The following MALRD1 variants were observed in gnomAD, a reference collection of about 807,000 sequenced individuals.
The protein encoded by MALRD1 is MAM and LDL-receptor class A domain-containing protein 1.
A neutral mutation model predicts 242.1 loss-of-function variants in MALRD1; 247 were observed. That is an observed-to-expected ratio of 1.02 (90% CI 0.92 to 1.13). The LOEUF (loss-of-function observed/expected upper bound fraction) is 1.13. Among genes scored for constraint, MALRD1 ranks in the 50% most tolerant of loss-of-function variants. The pLI is 0.00. For synonymous variants in MALRD1, 995 were observed against 866.6 expected (o/e 1.15, Z -2.60); for missense variants, 2,989 against 2,533.1 (o/e 1.18, Z -3.86).
intron 11 of MALRD1, among the ~76,000 whole-genome samples, chr10:19,154,336 CTGAATACGGTATTTTCCAA>C (rs1461345437): frequency 2.6e-5 from 4 of 152,154 alleles, no homozygotes; most frequent in Non-Finnish European, 5.9e-5. Context: ...AAATCACTCT[CTGAATACGGTATTTTCCAA>C]TGAAAATAGT....
chr10:19,660,531 C>G (rs915377610), intron 36 of MALRD1, among the ~76,000 whole-genome samples: 1 of 152,102 alleles, frequency 6.6e-6, no homozygotes, highest in Non-Finnish European at 1.5e-5. Context: ...AGTCATCAGG[C>G]ACCATGTTAA....
chr10:19,580,284 C>G (rs1837046934), intron 33 of MALRD1, among the ~76,000 whole-genome samples: 1 of 152,122 alleles, frequency 6.6e-6, no homozygotes, highest in Admixed American at 6.6e-5. Flanking sequence ...TGGAGGAATT[C>G]TTTATAATCC....
intron 30 of MALRD1, among the ~76,000 whole-genome samples, chr10:19,495,735 T>G (rs1168690161): frequency 6.6e-6 from 1 of 152,072 alleles, no homozygotes; most frequent in Non-Finnish European, 1.5e-5. Flanking sequence ...ATGTTAACCT[T>G]GAATGTAAAT....
Position 19,450,457 on chromosome 10 carries a change from A to C in MALRD1, c.4996A>C (p.Ile1666Leu), listed in dbSNP as rs574076239. 1 of 1,549,696 alleles carries C rather than the reference A, an allele frequency of 6.5e-7. No homozygotes were observed. The highest frequency in any genetic ancestry group is 8.7e-7 in the Non-Finnish European group (1 of 1,146,704). Residue 1666 changes from isoleucine to leucine, a missense_variant, in exon 29 of 40, where the codon ATT becomes CTT. Coordinates refer to ENST00000454679, the MANE Select transcript of MALRD1 (RefSeq NM_001142308.3). ...AAGGGACCTGGGAGGAGGAGCTGCA[A>C]TTGATGATATTGAATTTAAAAACTG... ...RTRDLGGGAA[I>L]DDIEFKNCTT...
At chr10:19,111,148 C>CAT (rs138443443) in intron 5 of MALRD1, among the ~76,000 whole-genome samples, 82,353 of 151,696 alleles carry the variant, frequency 0.54, 22,495 homozygotes, top group Middle Eastern at 0.6. Flanking sequence ...GATGGGCCAT[C>CAT]ATATATATTC....
intron 36 of MALRD1, among the ~76,000 whole-genome samples, chr10:19,675,012 A>G (rs1250305427): frequency 6.6e-6 from 1 of 152,116 alleles, no homozygotes; most frequent in Non-Finnish European, 1.5e-5. Context: ...ACATCATGCC[A>G]TCAACCTGTT....
chr10:19,615,213 T>C (rs1839089490), intron 35 of MALRD1, among the ~76,000 whole-genome samples: 2 of 151,882 alleles, frequency 1.3e-5, no homozygotes, highest in Admixed American at 1.3e-4. Flanking sequence ...TGAAAAATTA[T>C]TATATGTCAA....
chr10:19,716,018 T>C (rs1000738837), intron 38 of MALRD1, among the ~76,000 whole-genome samples: 3 of 151,676 alleles, frequency 2.0e-5, no homozygotes, highest in African/African-American at 7.3e-5. Flanking sequence ...ACATTGGAGG[T>C]CACATTTCAA....
At chr10:19,055,278 T>C (rs1386126614) in intron 1 of MALRD1, among the ~76,000 whole-genome samples, 2 of 152,216 alleles carry the variant, frequency 1.3e-5, no homozygotes, top group East Asian at 3.9e-4. Context: ...TTGCTTGAGC[T>C]CCTTATATAT....
intron 36 of MALRD1, among the ~76,000 whole-genome samples, chr10:19,676,004 A>G (rs1329779774): frequency 6.6e-6 from 1 of 152,172 alleles, no homozygotes; most frequent in Non-Finnish European, 1.5e-5. Context: ...AGTTAGCAAG[A>G]TTGATAAGAA....
intron 26 of MALRD1, among the ~76,000 whole-genome samples, chr10:19,373,201 T>TAAAAAAAAAAAAAAA (rs1845457821): frequency 3.2e-5 from 1 of 31,432 alleles, no homozygotes. Context: ...AAACGCTAAA[T>TAAAAAAAAAAAAAAA]ACAAAAAAAA....
chr10:19,071,224 G>A, intron 2 of MALRD1, among the ~76,000 whole-genome samples: 1 of 151,822 alleles, frequency 6.6e-6, no homozygotes, highest in East Asian at 1.9e-4. Flanking sequence ...TTAGCTGCTA[G>A]AAGGGCTCCC....
chr10:19,370,143 T>C (rs1164652028), intron 26 of MALRD1, among the ~76,000 whole-genome samples: 1 of 152,100 alleles, frequency 6.6e-6, no homozygotes, highest in African/African-American at 2.4e-5. Context: ...CCTGGAAGAT[T>C]TGGTTGAAAA....
intron 5 of MALRD1, among the ~76,000 whole-genome samples, chr10:19,108,471 G>A (rs1341077133): frequency 4.5e-5 from 1 of 22,468 alleles, no homozygotes; most frequent in Non-Finnish European, 6.5e-5. Context: ...GCGGACTGCA[G>A]TGGCGCAATC....
chr10:19,198,379 G>A (rs1265431335), intron 14 of MALRD1, among the ~76,000 whole-genome samples: 1 of 152,182 alleles, frequency 6.6e-6, no homozygotes, highest in Admixed American at 6.5e-5. Context: ...TACACATGAA[G>A]CAGGCTTGTA....
At chr10:19,581,270 C>G (rs1049671109) in intron 33 of MALRD1, among the ~76,000 whole-genome samples, 9 of 151,240 alleles carry the variant, frequency 6.0e-5, no homozygotes, top group Non-Finnish European at 1.2e-4. Context: ...GCACAATGTG[C>G]AGGTTAGTTA....
chr10:19,567,753 A>C, intron 33 of MALRD1, 50 bp downstream of exon 33: 3 of 1,419,148 alleles, frequency 2.1e-6, no homozygotes, highest in Non-Finnish European at 2.9e-6. Context: ...TTTAGTATCT[A>C]AATATACTAA....
intron 7 of MALRD1, 49 bp downstream of exon 7, chr10:19,124,719 T>C (rs1837192040): frequency 8.2e-7 from 1 of 1,224,850 alleles, no homozygotes; most frequent in African/African-American, 1.6e-5. Context: ...GAATTCTGCT[T>C]TATGGTGACT....
chr10:19,416,100 A>G (rs79395797), intron 28 of MALRD1, among the ~76,000 whole-genome samples: 3,682 of 152,286 alleles, frequency 0.024, 162 homozygotes, highest in African/African-American at 0.084. Flanking sequence ...TGAAGTTCCT[A>G]TTATCATGGA....
Sources: gnomAD v4.1 joint callset for allele counts (sites outside exome capture counted in the v4.1 genomes callset) on GRCh38, gnomAD v4.1.1 for gene constraint, MANE v1.5 for transcripts, NCBI Gene and HGNC (gene_info 2026-07-23, HGNC 2026-07-21) for gene names.